WDR12: variants seen among roughly 807,000 people sequenced by gnomAD.
WDR12 encodes the protein WD repeat domain 12.
In WDR12, 42 loss-of-function variants were observed where a neutral mutation model predicts 64.3. The observed-to-expected ratio is 0.65, with a 90% confidence interval of 0.51 to 0.84. WDR12 has a LOEUF of 0.84. Among genes scored for constraint, WDR12 ranks in the 40% least tolerant of loss-of-function variants. WDR12 has a pLI of 0.00. For synonymous variants in WDR12, 158 were observed against 173.3 expected, an observed-to-expected ratio of 0.91 and a Z score of 0.70; for missense variants, 469 against 494.6, an observed-to-expected ratio of 0.95 and a Z score of 0.49.
At chr2:202,897,926 A>ATATATATATAT (rs1559162254) in intron 4 of WDR12, among the ~76,000 whole-genome samples, 1,347 of 53,722 alleles carry the variant, frequency 0.025, 87 homozygotes, top group Middle Eastern at 0.052. Context: ...TATATATATA[A>ATATATATATAT]AAAATATATA....
rs1396961684 is a variant in WDR12, at chr2:202,876,809, C to A, written c.*4051G>T. ...AATCAGCCAGATGTGGTGACATGCGCCTGTGGTCCTAGTTAGGAGGATGAG... is the reference window on the plus strand; with the variant it reads ...AATCAGCCAGATGTGGTGACATGCGACTGTGGTCCTAGTTAGGAGGATGAG... On this transcript the variant is annotated 3_prime_UTR_variant, in exon 13 of 13. Coordinates refer to ENST00000261015, the MANE Select transcript of WDR12 (RefSeq NM_018256.4). 6.6e-6 allele frequency: 1 copy of A among 152,160 alleles called. No individual in the cohort carries two copies. Among genetic ancestry groups the A allele is most frequent in the African/African-American group, 2.4e-5 (1 of 41,398 alleles). The allele number at this position is 152,160 out of a possible 1,614,324, so 9.4% of individuals were successfully genotyped here. A position where few individuals can be genotyped will look rare whatever the true frequency, so the allele number is the denominator to read the frequency against.
At chr2:202,894,271 G>A (rs971199411) in intron 7 of WDR12, among the ~76,000 whole-genome samples, 9 of 151,650 alleles carry the variant, frequency 5.9e-5, no homozygotes, top group Non-Finnish European at 2.9e-5. Context: ...CTGAAGTGCA[G>A]TGGCATGGTA....
intron 2 of WDR12, among the ~76,000 whole-genome samples, chr2:202,901,972 C>G (rs1273741418): frequency 6.6e-6 from 1 of 152,096 alleles, no homozygotes; most frequent in African/African-American, 2.4e-5. Context: ...CATCATAGGG[C>G]TTGGATTATA....
At chr2:202,908,130 T>C (rs1338318627) in intron 1 of WDR12, among the ~76,000 whole-genome samples, 171 bp from the exon 2 acceptor site, 1 of 152,036 alleles carries the variant, frequency 6.6e-6, no homozygotes, top group East Asian at 1.9e-4. Context: ...TAAGATGAGG[T>C]TGAAGTTTAG....
At position 202,901,032 on chromosome 2, in the gene WDR12, A is replaced by G. The variant is rs376608113; in HGVS notation, c.224T>C (p.Ile75Thr). The G allele has an allele frequency of 1.3e-6, 2 of 1,587,578 alleles. No individual in the cohort carries two copies. Among genetic ancestry groups the G allele is most frequent in the East Asian group, 2.3e-5 (1 of 44,408 alleles). The change falls in exon 3 of 13, where the codon ATC (isoleucine) becomes ACC (threonine). Residue 75 changes from isoleucine (I) to threonine (T), a missense_variant. Transcript: ENST00000261015. ...PLDKHMEMEN[I>T]SSEEVVEIEY... ...ATAAGAATTTGAACTTACTGATGAGATGTTCTCCATTTCCATGTGTTTGTC... is the reference window on the plus strand; with the variant it reads ...ATAAGAATTTGAACTTACTGATGAGGTGTTCTCCATTTCCATGTGTTTGTC...
At chr2:202,886,628 G>A (rs922120261) in intron 8 of WDR12, among the ~76,000 whole-genome samples, 5 of 152,082 alleles carry the variant, frequency 3.3e-5, no homozygotes, top group East Asian at 1.9e-4. Context: ...TTAGCCAGGC[G>A]TGGTGGTGCA....
chr2:202,898,578 C>T (rs1331429115), intron 4 of WDR12, among the ~76,000 whole-genome samples: 1 of 152,206 alleles, frequency 6.6e-6, no homozygotes, highest in Non-Finnish European at 1.5e-5. Flanking sequence ...CCATAATCTA[C>T]TCTTGAGTTG....
Position 202,874,320 on chromosome 2 carries a change from A to G in WDR12, c.*6540T>C, listed in dbSNP as rs1031963050. Reference sequence around the variant, plus strand: ...TGTTATTTAACTTTCTATCCTTTCTATCAACATATAATACACTTATACTAA... The same window carrying G: ...TGTTATTTAACTTTCTATCCTTTCTGTCAACATATAATACACTTATACTAA... On this transcript the variant is annotated 3_prime_UTR_variant, in exon 13 of 13. Coordinates refer to ENST00000261015, the MANE Select transcript of WDR12 (RefSeq NM_018256.4). Among the ~76,000 whole-genome samples the G allele has an allele frequency of 1.3e-5, 2 of 152,142 alleles. No individual in the cohort carries two copies. Among genetic ancestry groups the G allele is most frequent in the African/African-American group, 2.4e-5 (1 of 41,428 alleles).
intron 2 of WDR12, among the ~76,000 whole-genome samples, chr2:202,905,248 C>G (rs1688433082): frequency 1.3e-5 from 2 of 152,224 alleles, no homozygotes; most frequent in Admixed American, 1.3e-4. Context: ...CGGGTTCAAG[C>G]AATTCTCCTG....
intron 8 of WDR12, among the ~76,000 whole-genome samples, chr2:202,885,994 C>A (rs1688039225): frequency 6.6e-6 from 1 of 152,134 alleles, no homozygotes; most frequent in Non-Finnish European, 1.5e-5. Flanking sequence ...CAGTTTGAGG[C>A]TACAGTGAGC....
intron 11 of WDR12, 44 bp downstream of exon 11, chr2:202,883,565 A>C (rs1215787836): frequency 6.3e-7 from 1 of 1,583,266 alleles, no homozygotes; most frequent in Non-Finnish European, 8.6e-7. Context: ...TTTCTATAAC[A>C]GGTAATTGAT....
At chr2:202,893,384 AAAGTT>A (rs1688186681) in intron 7 of WDR12, among the ~76,000 whole-genome samples, 1 of 152,140 alleles carries the variant, frequency 6.6e-6, no homozygotes, top group South Asian at 2.1e-4. Flanking sequence ...TAAACCACTT[AAAGTT>A]AATAGCTAAT....
intron 8 of WDR12, among the ~76,000 whole-genome samples, chr2:202,885,580 T>C (rs1688030562): frequency 1.3e-5 from 2 of 152,186 alleles, no homozygotes; most frequent in African/African-American, 4.8e-5. Context: ...TCCAGGTAAA[T>C]TAATCTCAGT....
chr2:202,880,742 T>TG lies in WDR12; in HGVS notation c.*117dup. The TG allele has an allele frequency of 1.4e-6, 1 of 734,854 alleles. No homozygotes were observed. The highest frequency in any genetic ancestry group is 3.1e-5 in the East Asian group (1 of 32,622). The allele number at this position is 734,854 out of a possible 1,614,324, so 45.5% of individuals were successfully genotyped here. A position where few individuals can be genotyped will look rare whatever the true frequency, so the allele number is the denominator to read the frequency against. On this transcript the variant is annotated 3_prime_UTR_variant, in exon 13 of 13. Transcript: ENST00000261015. ...GTGATACGTTAGCTGTTATGAAGGG[T>TG]GAAAACATTATATAAACTTCAAAAG...
At chr2:202,892,752 G>T (rs563146032) in intron 7 of WDR12, 50 bp from the exon 8 acceptor site, 2 of 1,330,082 alleles carry the variant, frequency 1.5e-6, no homozygotes, top group South Asian at 1.2e-5. Flanking sequence ...TATTAATCGT[G>T]AACTGTCTGA....
At chr2:202,908,469 G>T (rs1202295419) in intron 1 of WDR12, among the ~76,000 whole-genome samples, 3 of 152,114 alleles carry the variant, frequency 2.0e-5, no homozygotes, top group African/African-American at 7.2e-5. Context: ...CAAAAGAGAA[G>T]TGAGTTTTTG....
chr2:202,896,018 C>A (rs1334782043), intron 6 of WDR12, 47 bp downstream of exon 6: 1 of 1,582,618 alleles, frequency 6.3e-7, no homozygotes, highest in African/African-American at 1.4e-5. Flanking sequence ...TAGCAACAAG[C>A]TCAAATTCAA....
intron 2 of WDR12, among the ~76,000 whole-genome samples, chr2:202,906,471 A>C (rs1485950338): frequency 1.3e-5 from 2 of 152,218 alleles, no homozygotes; most frequent in Non-Finnish European, 2.9e-5. Flanking sequence ...GAAGATGGGG[A>C]AAATACTACA....
At chr2:202,905,990 TTTAA>T (rs1688450640) in intron 2 of WDR12, among the ~76,000 whole-genome samples, 2 of 152,232 alleles carry the variant, frequency 1.3e-5, no homozygotes, top group South Asian at 4.1e-4. Flanking sequence ...TAGTCAATAA[TTTAA>T]TTATACATTT....
Sources: gnomAD v4.1 joint callset for allele counts (sites outside exome capture counted in the v4.1 genomes callset) on GRCh38, gnomAD v4.1.1 for gene constraint, MANE v1.5 for transcripts, NCBI Gene and HGNC (gene_info 2026-07-23, HGNC 2026-07-21) for gene names.